Variants in ZBTB11 observed in about 807,000 individuals in gnomAD.
ZBTB11 encodes the protein zinc finger and BTB domain-containing protein 11.
A neutral mutation model predicts 113.1 loss-of-function variants in ZBTB11; 68 were observed. The observed-to-expected ratio is 0.60, with a 90% confidence interval of 0.49 to 0.74. ZBTB11 has a LOEUF of 0.74. ZBTB11 is among the 30% of genes least tolerant of loss of function. ZBTB11 has a pLI of 0.00. For synonymous variants in ZBTB11, 518 were observed against 452.6 expected (o/e 1.14, Z -1.83); for missense variants, 1,104 against 1,279.4 (o/e 0.86, Z 2.09).
chr3:101,662,758 T>C (rs1341081380), intron 5 of ZBTB11, among the ~76,000 whole-genome samples: 3 of 152,116 alleles, frequency 2.0e-5, no homozygotes, highest in African/African-American at 7.2e-5. Context: ...CTTGGATTCC[T>C]CAAAATTGTC....
Position 101,656,219 on chromosome 3 carries a change from A to T in ZBTB11, c.2076T>A (p.His692Gln). The change falls in exon 7 of 11, where the codon CAT becomes CAA. Residue 692 changes from histidine (H) to glutamine (Q), a missense_variant. Transcript: ENST00000312938. ...QVCGKTFIYK[H>Q]GLKLHQSLHQ... ...GAAGACTCTGATGTAATTTTAGACC[A>T]TGCTTATAGATAAAAGTCTTTCCAC... 2.5e-6 allele frequency: 4 copies of T among 1,586,334 alleles called. No homozygotes were observed. Among genetic ancestry groups the T allele is most frequent in the Non-Finnish European group, 3.4e-6 (4 of 1,167,508 alleles).
At chr3:101,673,552 T>A (rs1032825907) in intron 1 of ZBTB11, among the ~76,000 whole-genome samples, 3 of 152,068 alleles carry the variant, frequency 2.0e-5, no homozygotes, top group Non-Finnish European at 4.4e-5. Context: ...CTCTCTCTGT[T>A]GCCCAGGCTG....
intron 6 of ZBTB11, among the ~76,000 whole-genome samples, 170 bp from the exon 7 acceptor site, chr3:101,656,418 CT>C (rs1936799621): frequency 6.6e-6 from 1 of 152,058 alleles, no homozygotes; most frequent in Non-Finnish European, 1.5e-5. Context: ...AAGTTGACCC[CT>C]CTTCTGATTC....
intron 1 of ZBTB11, among the ~76,000 whole-genome samples, chr3:101,673,558 G>A (rs1034564578): frequency 4.6e-5 from 7 of 151,390 alleles, no homozygotes; most frequent in Non-Finnish European, 7.4e-5. Flanking sequence ...CTGTTGCCCA[G>A]GCTGGAGTGC....
At chr3:101,654,373 G>A (rs1292350936) in intron 8 of ZBTB11, among the ~76,000 whole-genome samples, 2 of 151,954 alleles carry the variant, frequency 1.3e-5, no homozygotes, top group East Asian at 1.9e-4. Context: ...ATTTTACCTC[G>A]ATTGTAACAG....
intron 6 of ZBTB11, among the ~76,000 whole-genome samples, chr3:101,658,497 C>G (rs1936835010): frequency 6.6e-6 from 1 of 152,152 alleles, no homozygotes. Context: ...GCTGGGATTA[C>G]AGGTGTGAGC....
chr3:101,668,308 T>TA (rs1937028656), intron 3 of ZBTB11, among the ~76,000 whole-genome samples: 1 of 152,068 alleles, frequency 6.6e-6, no homozygotes, highest in African/African-American at 2.4e-5. Context: ...CCGCAAGGTA[T>TA]ATAGTTAACA....
chr3:101,652,376 T>C (rs1298636050), intron 10 of ZBTB11, 120 bp downstream of exon 10: 5 of 1,008,412 alleles, frequency 5.0e-6, no homozygotes, highest in African/African-American at 1.6e-5. Context: ...ACCTCTGTCA[T>C]TTGAATAAAG....
At chr3:101,654,660 A>C (rs1259917543) in intron 8 of ZBTB11, 44 bp downstream of exon 8, 1 of 1,511,520 alleles carries the variant, frequency 6.6e-7, no homozygotes, top group African/African-American at 1.4e-5. Context: ...ACTGAGTAAA[A>C]ACATAATTAA....
At position 101,659,830 on chromosome 3, in the gene ZBTB11, G is replaced by A. The variant is rs1936857417; in HGVS notation, c.1999C>T (p.Arg667Ter). Reference sequence around the variant, plus strand: ...CCTGTGTGCTTTAACATATGTATTCGGAGAGAATATAATTTAGGTAATGTT... The same window carrying A: ...CCTGTGTGCTTTAACATATGTATTCAGAGAGAATATAATTTAGGTAATGTT... ...GRTLPKLYSL[R>*]IHMLKHTGVK... Residue 667 changes from arginine (R) to a stop codon, truncating the protein, a stop_gained, in exon 6 of 11, where the codon CGA (arginine) becomes TGA (stop). Transcript: ENST00000312938. LOFTEE classifies it high-confidence loss of function. 4 of 1,614,058 alleles carry A rather than the reference G, an allele frequency of 2.5e-6. No individual in the cohort carries two copies. The highest frequency in any genetic ancestry group is 1.7e-6 in the Non-Finnish European group (2 of 1,180,000).
At chr3:101,665,942 AT>A (rs1400722262) in intron 3 of ZBTB11, 134 bp from the exon 4 acceptor site, 3 of 945,896 alleles carry the variant, frequency 3.2e-6, no homozygotes, top group Non-Finnish European at 4.6e-6. Flanking sequence ...CTGGATTTGC[AT>A]TTTGTTCTGG....
rs1217459273 is a variant in ZBTB11, at chr3:101,677,088, C to G, written c.-174G>C. On this transcript the variant is annotated 5_prime_UTR_variant, in exon 1 of 11. Transcript: ENST00000312938. ...AAGGAAAAGCGGGCGAGTTGGTAAC[C>G]AGGGGGAACTGCACTTCTCCAGCGC... The G allele has an allele frequency of 8.7e-6, 6 of 691,440 alleles. No individual in the cohort carries two copies. Among genetic ancestry groups the G allele is most frequent in the Admixed American group, 3.6e-5 (1 of 27,890 alleles). 42.8% of individuals were successfully genotyped at this position (691,440 alleles called of 1,614,324 possible). A position where few individuals can be genotyped will look rare whatever the true frequency, so the allele number is the denominator to read the frequency against.
At chr3:101,664,815 T>C (rs1457468744) in intron 4 of ZBTB11, 101 bp from the exon 5 acceptor site, 7 of 1,473,210 alleles carry the variant, frequency 4.8e-6, no homozygotes, top group Non-Finnish European at 6.4e-6. Flanking sequence ...ATTCACATTA[T>C]CTTATTAATA....
chr3:101,666,289 T>C (rs748812125), intron 3 of ZBTB11, among the ~76,000 whole-genome samples: 1 of 152,108 alleles, frequency 6.6e-6, no homozygotes, highest in Non-Finnish European at 1.5e-5. Context: ...AAAAAAACAA[T>C]ACCTAAGGGA....
chr3:101,653,075 C>A, intron 8 of ZBTB11, 137 bp from the exon 9 acceptor site: 1 of 955,322 alleles, frequency 1.0e-6, no homozygotes, highest in Non-Finnish European at 1.5e-6. Context: ...ATTTTCTAAT[C>A]TTACATAAAG....
intron 1 of ZBTB11, among the ~76,000 whole-genome samples, chr3:101,675,040 C>A (rs377210704): frequency 1.3e-5 from 2 of 152,162 alleles, no homozygotes; most frequent in Non-Finnish European, 2.9e-5. Context: ...TGTCACTGCA[C>A]CAAGCAAGAC....
At chr3:101,658,796 G>A (rs578175032) in intron 6 of ZBTB11, among the ~76,000 whole-genome samples, 1 of 152,252 alleles carries the variant, frequency 6.6e-6, no homozygotes, top group African/African-American at 2.4e-5. Flanking sequence ...TGGGTATAGT[G>A]TATACTGCTT....
rs769613644 is a variant in ZBTB11, at chr3:101,665,029, G to C, written c.1558C>G (p.Leu520Val). 18 of 1,613,994 alleles carry C rather than the reference G, an allele frequency of 1.1e-5. No homozygotes were observed. The African/African-American group carries it at 2.3e-4, about 20-fold the overall frequency. The change falls in exon 4 of 11, where the codon CTA (leucine) becomes GTA (valine). Residue 520 changes from leucine (L) to valine (V), a missense_variant. Physicochemically the swap from Leu to Val is conservative, Grantham distance 32. Coordinates refer to ENST00000312938, the MANE Select transcript of ZBTB11 (RefSeq NM_014415.4). Reference sequence around the variant, plus strand: ...AGCTTTTTCTCCATTCCCTTGTGTAGTCGAATATATGCCCCTTCATTAACA... The same window carrying C: ...AGCTTTTTCTCCATTCCCTTGTGTACTCGAATATATGCCCCTTCATTAACA... ...RSVNEGAYIR[L>V]HKGMEKKLQK...
In ZBTB11 at chr3:101,654,725, A is replaced by G. The variant is rs946108111; in HGVS notation, c.2288T>C (p.Val763Ala). The G allele has an allele frequency of 3.1e-6, 5 of 1,614,078 alleles. No individual in the cohort carries two copies. The highest frequency in any genetic ancestry group is 1.6e-4 in the Middle Eastern group (1 of 6,062). ...HFKKHQPKPE[V>A]RGYHCTQCEK... ...TTACTGAGTACAATGATAGCCTCGA[A>G]CCTCAGGCTTTGGTTGGTGTTTCTT... is the stretch of plus-strand genomic sequence containing the variant. Residue 763 changes from valine (V) to alanine (A), a missense_variant, in exon 8 of 11, where the codon GTT becomes GCT. Coordinates refer to ENST00000312938, the MANE Select transcript of ZBTB11 (RefSeq NM_014415.4).
Sources: allele counts gnomAD v4.1 joint callset (sites outside exome capture counted in the v4.1 genomes callset), GRCh38; gene constraint gnomAD v4.1.1; transcripts MANE v1.5; gene names NCBI Gene and HGNC (gene_info 2026-07-23, HGNC 2026-07-21).